The following LCMT1 variants were observed in gnomAD, a reference collection of about 807,000 sequenced individuals.
The protein encoded by LCMT1 is [Phosphatase 2A protein]-leucine-carboxy methyltransferase 1.
LCMT1 carries 32 observed loss-of-function variants against 47.7 expected under a neutral mutation model. That is an observed-to-expected ratio of 0.67 (90% CI 0.51 to 0.90). The LOEUF (loss-of-function observed/expected upper bound fraction) is 0.90. LCMT1 is among the 40% of genes least tolerant of loss of function. LCMT1 has a pLI of 0.00. For synonymous variants in LCMT1, 152 were observed against 149.7 expected (o/e 1.02, Z -0.11); for missense variants, 375 against 415.2 (o/e 0.90, Z 0.84).
intron 4 of LCMT1, among the ~76,000 whole-genome samples, chr16:25,150,114 A>G (rs775055782): frequency 6.6e-6 from 1 of 152,096 alleles, no homozygotes; most frequent in East Asian, 1.9e-4. Flanking sequence ...GAGAGCTTTC[A>G]TAGCCTAGTA....
intron 4 of LCMT1, among the ~76,000 whole-genome samples, chr16:25,148,549 G>T (rs1055338436): frequency 2.0e-5 from 3 of 152,164 alleles, no homozygotes; most frequent in African/African-American, 7.2e-5. Flanking sequence ...GTCCTGCACG[G>T]GTGTCTGTTC....
At chr16:25,155,044 A>G (rs893710258) in intron 5 of LCMT1, among the ~76,000 whole-genome samples, 1 of 152,232 alleles carries the variant, frequency 6.6e-6, no homozygotes, top group South Asian at 2.1e-4. Flanking sequence ...TATCAAACCT[A>G]CAAGGCTGTT....
intron 1 of LCMT1, among the ~76,000 whole-genome samples, chr16:25,120,229 T>TG (rs1199312289): frequency 1.4e-5 from 2 of 144,390 alleles, no homozygotes; most frequent in African/African-American, 5.8e-5. Flanking sequence ...GGTTTTTTTG[T>TG]TTTGTTTTTT....
rs1172675064 is a variant in LCMT1 at position 25,178,078 on chromosome 16, A to T, written c.*55A>T. On this transcript the variant is annotated 3_prime_UTR_variant, in exon 11 of 11. Transcript: ENST00000399069. ...CCGAAGCCACTTGCCCTCCTGGAGG[A>T]GACCTGCAAGCTCCCTGAGCGGTGG... The T allele has an allele frequency of 6.3e-7, 1 of 1,581,336 alleles. No homozygotes were observed. The highest frequency in any genetic ancestry group is 8.7e-7 in the Non-Finnish European group (1 of 1,152,482).
Position 25,111,940 on chromosome 16 carries a change from C to T in LCMT1, c.57C>T (p.Cys19=), listed in dbSNP as rs1301561128. 1 of 1,613,452 alleles carries T rather than the reference C, an allele frequency of 6.2e-7. No individual in the cohort carries two copies. Among genetic ancestry groups the T allele is most frequent in the African/African-American group, 1.3e-5 (1 of 74,920 alleles). The change falls in exon 1 of 11, where the codon TGC becomes TGT. Residue 19 remains cysteine, a synonymous_variant. Coordinates refer to ENST00000399069, the MANE Select transcript of LCMT1 (RefSeq NM_016309.3). ...CCTCCTGCTGTTCCACCTCGAGCTGCGACGCAGACGACGAGGGCGTGCGCG... is the reference window on the plus strand; with the variant it reads ...CCTCCTGCTGTTCCACCTCGAGCTGTGACGCAGACGACGAGGGCGTGCGCG... ...SITSCCSTSS[C]DADDEGVRGT...
chr16:25,175,338 A>G (rs996433600), intron 10 of LCMT1, among the ~76,000 whole-genome samples: 1 of 151,950 alleles, frequency 6.6e-6, no homozygotes, highest in African/African-American at 2.4e-5. Flanking sequence ...CCTAGCCTCA[A>G]GTAGGCTGGG....
At chr16:25,163,515 C>T (rs1488162030) in intron 6 of LCMT1, among the ~76,000 whole-genome samples, 2 of 150,490 alleles carry the variant, frequency 1.3e-5, no homozygotes, top group Non-Finnish European at 3.0e-5. Flanking sequence ...TATATGTACA[C>T]ATACAATCAT....
At chr16:25,134,317 TC>T (rs1383437183) in intron 3 of LCMT1, among the ~76,000 whole-genome samples, 1 of 152,242 alleles carries the variant, frequency 6.6e-6, no homozygotes, top group Non-Finnish European at 1.5e-5. Flanking sequence ...CTCTGCATTC[TC>T]TTCTCAAGAT....
chr16:25,151,690 G>C, intron 5 of LCMT1, 75 bp downstream of exon 5: 1 of 717,130 alleles, frequency 1.4e-6, no homozygotes, highest in Non-Finnish European at 2.2e-6. Flanking sequence ...GATGGGGTTT[G>C]TGTTGGGTGT....
intron 5 of LCMT1, among the ~76,000 whole-genome samples, chr16:25,151,908 C>T (rs1270857312): frequency 6.7e-6 from 1 of 149,574 alleles, no homozygotes; most frequent in Admixed American, 6.8e-5. Context: ...GGAATTTATG[C>T]TCAGCCAGGT....
chr16:25,149,445 T>G (rs373990677), intron 4 of LCMT1, among the ~76,000 whole-genome samples: 71 of 152,326 alleles, frequency 4.7e-4, no homozygotes, highest in African/African-American at 1.6e-3. Flanking sequence ...ATTCTTTAAG[T>G]AGAAGGTCTG....
chr16:25,148,737 C>T (rs376305822), intron 4 of LCMT1: 47 of 152,350 alleles, frequency 3.1e-4, no homozygotes, highest in African/African-American at 1.1e-3. Flanking sequence ...ACTCGCCAGT[C>T]GCGGTGGCAG....
At chr16:25,113,005 G>A (rs556680450) in intron 1 of LCMT1, among the ~76,000 whole-genome samples, 104 of 152,166 alleles carry the variant, frequency 6.8e-4, no homozygotes, top group Admixed American at 3.0e-3. Flanking sequence ...GCTGGGTGTG[G>A]TGGCGGGCGC....
intron 1 of LCMT1, among the ~76,000 whole-genome samples, chr16:25,123,600 C>CTTTTTT (rs1173228613): frequency 5.2e-4 from 33 of 63,510 alleles, no homozygotes; most frequent in Admixed American, 1.2e-3. Flanking sequence ...AAATTGCTTT[C>CTTTTTT]TTTTTTTTTT....
intron 4 of LCMT1, among the ~76,000 whole-genome samples, chr16:25,149,859 G>C (rs887562782): frequency 4.2e-5 from 6 of 144,236 alleles, no homozygotes; most frequent in Non-Finnish European, 8.9e-5. Context: ...GCTGCAGTGA[G>C]CTATGATCAC....
At chr16:25,123,625 T>TG (rs1491334524) in intron 1 of LCMT1, among the ~76,000 whole-genome samples, 1 of 112,484 alleles carries the variant, frequency 8.9e-6, no homozygotes, top group East Asian at 2.6e-4. Context: ...TTTTTTTTTT[T>TG]GAGACGGAGT....
At chr16:25,134,920 A>G (rs1188955792) in intron 3 of LCMT1, among the ~76,000 whole-genome samples, 1 of 152,050 alleles carries the variant, frequency 6.6e-6, no homozygotes, top group Non-Finnish European at 1.5e-5. Flanking sequence ...TGTTTTTGTA[A>G]TGAGTTGTCC....
chr16:25,162,260 C>T (rs762521430), intron 6 of LCMT1, among the ~76,000 whole-genome samples: 1 of 152,188 alleles, frequency 6.6e-6, no homozygotes, highest in Non-Finnish European at 1.5e-5. Context: ...GGATAACTTA[C>T]TTCACTTCTC....
chr16:25,153,884 C>T (rs540523752), intron 5 of LCMT1, among the ~76,000 whole-genome samples: 9 of 152,032 alleles, frequency 5.9e-5, no homozygotes, highest in South Asian at 4.2e-4. Flanking sequence ...ACCTGGGAGG[C>T]GGAGGTTGCA....
Sources: gnomAD v4.1 joint callset for allele counts (sites outside exome capture counted in the v4.1 genomes callset) on GRCh38, gnomAD v4.1.1 for gene constraint, MANE v1.5 for transcripts, NCBI Gene and HGNC (gene_info 2026-07-23, HGNC 2026-07-21) for gene names.